The following ZZEF1 variants were observed in gnomAD, a reference collection of about 807,000 sequenced individuals.
ZZEF1 encodes the protein zinc finger ZZ-type and EF-hand domain-containing protein 1.
Under a neutral mutation model 342.8 loss-of-function variants are expected in ZZEF1, and 157 were observed. That is an observed-to-expected ratio of 0.46 (90% CI 0.40 to 0.52). The LOEUF (loss-of-function observed/expected upper bound fraction) is 0.52. ZZEF1 is among the 20% of genes least tolerant of loss of function. ZZEF1 has a pLI of 0.00. For synonymous variants in ZZEF1, 1,505 were observed against 1,429.1 expected (o/e 1.05, Z -1.20); for missense variants, 3,480 against 3,725.6 (o/e 0.93, Z 1.72).
intron 4 of ZZEF1, 77 bp downstream of exon 4, chr17:4,114,221 TA>T (rs2145498353): frequency 8.1e-7 from 1 of 1,236,286 alleles, no homozygotes; most frequent in Non-Finnish European, 1.1e-6. Context: ...CATAGCCACT[TA>T]AAATACAAAG....
chr17:4,132,164 C>T (rs527976471), intron 1 of ZZEF1, among the ~76,000 whole-genome samples: 1 of 151,188 alleles, frequency 6.6e-6, no homozygotes, highest in Non-Finnish European at 1.5e-5. Context: ...ATACCGTGTG[C>T]ATGTACAACT....
At chr17:4,031,679 T>C (rs917334945) in intron 42 of ZZEF1, among the ~76,000 whole-genome samples, 2 of 152,204 alleles carry the variant, frequency 1.3e-5, no homozygotes, top group African/African-American at 4.8e-5. Context: ...CTTGGCAAAC[T>C]AAGTCAAAAG....
At position 4,088,788 on chromosome 17, in the gene ZZEF1, C is replaced by T. The variant is rs1345175649; in HGVS notation, c.2131G>A (p.Glu711Lys). ...GYLRPARAEA[E>K]QSVTCAHCRK... ...CAGTGTGCACAGGTGACGCTCTGTT[C>T]TGCTTCTGCTCTTGCAGGCCGGAGG... Residue 711 changes from glutamate (E) to lysine (K), a missense_variant, in exon 13 of 55, where the codon GAA (glutamate) becomes AAA (lysine). This residue lies in a region of ZZEF1 where 1,528 missense variants were observed against 1,624.1 expected (regional missense o/e 0.94). Coordinates refer to ENST00000381638, the MANE Select transcript of ZZEF1 (RefSeq NM_015113.4). 2 of 1,614,212 alleles carry T rather than the reference C, an allele frequency of 1.2e-6. No homozygotes were observed. Among genetic ancestry groups the T allele is most frequent in the Non-Finnish European group, 1.7e-6 (2 of 1,180,036 alleles).
chr17:4,085,901 T>C lies in ZZEF1; in HGVS notation c.2513-98A>G, dbSNP rs535365663. The C allele has an allele frequency of 4.1e-6, 6 of 1,458,060 alleles. No individual in the cohort carries two copies. In the African/African-American group the frequency reaches 5.6e-5, roughly 14 times the overall value. The allele number at this position is 1,458,060 out of a possible 1,614,324, so 90.3% of individuals were successfully genotyped here. On this transcript the variant is annotated intron_variant, in intron 15 of 54. Coordinates refer to ENST00000381638, the MANE Select transcript of ZZEF1 (RefSeq NM_015113.4). The stretch of plus-strand genomic sequence containing the variant: ...TATAAATTCACTACTCTCCATTTTG[T>C]ACTTAATACCAGAGTGAAGAAGTAT...
Position 4,088,711 on chromosome 17 carries a change from G to T in ZZEF1, c.2208C>A (p.Thr736=). ...SVCGATLLLR[T]LQFIQQLAHD... is the part of the protein sequence containing the mutation. The stretch of plus-strand genomic sequence containing the variant: ...GGGCGAGCTGCTGGATAAACTGAAG[G>T]GTCCTGAGGAGCAACGTGGCCCCAC... The change falls in exon 13 of 55, where the codon ACC becomes ACA. Residue 736 remains threonine (T), a synonymous_variant. Transcript: ENST00000381638. The T allele has an allele frequency of 6.2e-7, 1 of 1,614,132 alleles. No individual in the cohort carries two copies. The highest frequency in any genetic ancestry group is 8.5e-7 in the Non-Finnish European group (1 of 1,180,044).
intron 9 of ZZEF1, among the ~76,000 whole-genome samples, chr17:4,100,457 A>AG (rs1363761050): frequency 6.6e-6 from 1 of 152,174 alleles, no homozygotes; most frequent in Non-Finnish European, 1.5e-5. Flanking sequence ...CAATCTAAGG[A>AG]GGGGAAAAAG....
intron 39 of ZZEF1, among the ~76,000 whole-genome samples, chr17:4,042,046 A>G (rs2056814570): frequency 6.6e-6 from 1 of 152,188 alleles, no homozygotes; most frequent in Non-Finnish European, 1.5e-5. Context: ...TTGAGGGTGA[A>G]GTGTCAATGA....
intron 1 of ZZEF1, among the ~76,000 whole-genome samples, chr17:4,139,345 A>C (rs1184530649): frequency 6.6e-6 from 1 of 152,246 alleles, no homozygotes; most frequent in Admixed American, 6.5e-5. Flanking sequence ...TAACACTTGG[A>C]AACTCTCAGC....
chr17:4,011,533 T>C (rs1287853189), intron 52 of ZZEF1, among the ~76,000 whole-genome samples: 2 of 151,974 alleles, frequency 1.3e-5, no homozygotes, highest in African/African-American at 4.8e-5. Flanking sequence ...GCTGAGAGAA[T>C]GAACTGAGGG....
At chr17:4,079,708 G>A (rs985143838) in intron 18 of ZZEF1, among the ~76,000 whole-genome samples, 4 of 152,100 alleles carry the variant, frequency 2.6e-5, no homozygotes, top group Non-Finnish European at 5.9e-5. Context: ...TGATAACCTA[G>A]GCACCCTACA....
intron 2 of ZZEF1, among the ~76,000 whole-genome samples, chr17:4,121,199 T>C (rs987597858): frequency 1.3e-5 from 2 of 152,218 alleles, no homozygotes; most frequent in African/African-American, 4.8e-5. Flanking sequence ...TGTTGGTGGA[T>C]TCCCTGGTCT....
chr17:4,105,958 C>G, intron 6 of ZZEF1, 149 bp from the exon 7 acceptor site: 1 of 598,208 alleles, frequency 1.7e-6, no homozygotes, highest in Non-Finnish European at 2.8e-6. Context: ...ACTGGCCCTT[C>G]TTTTTTTTTG....
At chr17:4,129,000 C>T (rs1041206342) in intron 1 of ZZEF1, among the ~76,000 whole-genome samples, 1 of 151,906 alleles carries the variant, frequency 6.6e-6, no homozygotes, top group Non-Finnish European at 1.5e-5. Flanking sequence ...ATCTCTTGAC[C>T]TTGTGATCTG....
rs559820570 is a variant in ZZEF1, at chr17:4,044,451, G to A, written c.6016-77C>T. ...TCCATGATTATGATAACTTTTTAAT[G>A]ATTAGCCAGTCTTCATAGACTAAAA... On this transcript the variant is annotated intron_variant, in intron 37 of 54. Transcript: ENST00000381638. 2.9e-4 allele frequency: 401 copies of A among 1,371,264 alleles called. 3 individuals are homozygous for A. In the African/African-American group the frequency reaches 5.3e-3, roughly 18 times the overall value. The allele number at this position is 1,371,264 out of a possible 1,614,324, so 84.9% of individuals were successfully genotyped here. A position where few individuals can be genotyped will look rare whatever the true frequency, so the allele number is the denominator to read the frequency against.
Position 4,058,141 on chromosome 17 carries a change from G to A in ZZEF1, c.5018C>T (p.Ala1673Val). ...SSLNDRSLLP[A>V]LSCVQTALLH... ...CAGGGCTGTCTGAACACAGGATAAGGCAGGGAGCAAGGACCTAAAGGGCCA... is the reference window on the plus strand; with the variant it reads ...CAGGGCTGTCTGAACACAGGATAAGACAGGGAGCAAGGACCTAAAGGGCCA... The change falls in exon 32 of 55, where the codon GCC becomes GTC. Residue 1673 changes from alanine (A) to valine (V), a missense_variant. Physicochemically the swap from Ala to Val is moderately conservative, Grantham distance 64 (BLOSUM62 0). Transcript: ENST00000381638. 6.2e-7 allele frequency: 1 copy of A among 1,613,394 alleles called. No homozygotes were observed.
At chr17:4,011,081 C>T (rs1167498311) in intron 52 of ZZEF1, among the ~76,000 whole-genome samples, 10 of 151,486 alleles carry the variant, frequency 6.6e-5, no homozygotes, top group Non-Finnish European at 1.5e-4. Context: ...CAGAATGAGA[C>T]CCCACCTCTA....
chr17:4,096,241 C>G (rs559780402), intron 10 of ZZEF1, among the ~76,000 whole-genome samples: 3 of 151,952 alleles, frequency 2.0e-5, no homozygotes, highest in African/African-American at 7.2e-5. Context: ...AGGCCTGACA[C>G]AGAGTAAATC....
intron 44 of ZZEF1, 58 bp from the exon 45 acceptor site, chr17:4,021,378 A>C: frequency 7.1e-7 from 1 of 1,399,360 alleles, no homozygotes; most frequent in Non-Finnish European, 9.7e-7. Flanking sequence ...AAGATGGTAC[A>C]GTCCTTTAAT....
At chr17:4,086,389 GGCTC>G in intron 15 of ZZEF1, 93 bp downstream of exon 15, 1 of 1,195,590 alleles carries the variant, frequency 8.4e-7, no homozygotes, top group Non-Finnish European at 1.1e-6. Context: ...ATCCCTTTCT[GGCTC>G]GCATCATCGT....
Sources: allele counts gnomAD v4.1 joint callset (sites outside exome capture counted in the v4.1 genomes callset), GRCh38; gene constraint gnomAD v4.1.1; regional missense constraint gnomAD v4.1.1; transcripts MANE v1.5; gene names NCBI Gene and HGNC (gene_info 2026-07-23, HGNC 2026-07-21).